Variants in PTCD1 observed in about 807,000 individuals in gnomAD.
The protein encoded by PTCD1 is pentatricopeptide repeat domain 1.
PTCD1 carries 50 observed loss-of-function variants against 53.4 expected under a neutral mutation model. That is an observed-to-expected ratio of 0.94 (90% CI 0.75 to 1.19). The LOEUF (loss-of-function observed/expected upper bound fraction) is 1.19. Among genes scored for constraint, PTCD1 ranks in the 50% most tolerant of loss-of-function variants. The pLI is 0.00. For missense variants in PTCD1, 918 were observed against 904.8 expected, an observed-to-expected ratio of 1.01 and a Z score of -0.19; for synonymous variants, 413 against 394.8, an observed-to-expected ratio of 1.05 and a Z score of -0.55.
intron 5 of PTCD1, among the ~76,000 whole-genome samples, chr7:99,426,753 T>C (rs1283619156): frequency 3.7e-5 from 5 of 134,426 alleles, no homozygotes; most frequent in African/African-American, 5.7e-5. Flanking sequence ...CCGGCCGCCA[T>C]CCCATCTAGG....
chr7:99,432,973 A>G (rs921340140), intron 3 of PTCD1: 7 of 464,030 alleles, frequency 1.5e-5, no homozygotes, highest in Non-Finnish European at 2.8e-5. Context: ...CTCTTGAGCC[A>G]AGGAGTTGGA....
In PTCD1 at chr7:99,418,014, C is replaced by G. The variant is rs374972667; in HGVS notation, c.*1953G>C. The G allele has an allele frequency of 6.2e-5, 72 of 1,158,582 alleles. 2 individuals carry two copies. The African/African-American group carries it at 8.0e-4, about 13-fold the overall frequency. 71.8% of individuals were successfully genotyped at this position (1,158,582 alleles called of 1,614,324 possible). A position where few individuals can be genotyped will look rare whatever the true frequency, so the allele number is the denominator to read the frequency against. ...ACGGAGTCTTGCTTTGTCGCCCAGG[C>G]TGGAGTGCAGTGATGCCATCTTGGC... On this transcript the variant is annotated 3_prime_UTR_variant, in exon 8 of 8. Coordinates refer to ENST00000292478, the MANE Select transcript of PTCD1 (RefSeq NM_015545.4).
chr7:99,429,748 C>T lies in PTCD1; in HGVS notation c.653G>A (p.Cys218Tyr). ...TGAGTCCTTCCAGGGGGACTCGGCA[C>T]AGACGTTGAACAGGGCCGTGTAGGT... ...DATYTALFNV[C>Y]AESPWKDSAL... The change falls in exon 4 of 8, where the codon TGT becomes TAT. Residue 218 changes from cysteine (C) to tyrosine (Y), a missense_variant. By Grantham distance (194) the Cys-to-Tyr change is radical (BLOSUM62 -2). Transcript: ENST00000292478. 6.2e-7 allele frequency: 1 copy of T among 1,614,226 alleles called. No individual in the cohort carries two copies. The highest frequency in any genetic ancestry group is 8.5e-7 in the Non-Finnish European group (1 of 1,180,040).
chr7:99,419,402 C>G lies in PTCD1; in HGVS notation c.*565G>C. 1.2e-6 allele frequency: 2 copies of G among 1,613,092 alleles called. No homozygotes were observed. Among genetic ancestry groups the G allele is most frequent in the Non-Finnish European group, 1.7e-6 (2 of 1,180,014 alleles). On this transcript the variant is annotated 3_prime_UTR_variant, in exon 8 of 8. Coordinates refer to ENST00000292478, the MANE Select transcript of PTCD1 (RefSeq NM_015545.4). ...CTCCTCCGTTGCAGGGCCGCATCAT[C>G]GAGTGCACACACTGTGGCTGTCGTG...
chr7:99,420,539 A>AG (rs1436846628), intron 7 of PTCD1, among the ~76,000 whole-genome samples: 3 of 152,226 alleles, frequency 2.0e-5, no homozygotes, highest in African/African-American at 7.2e-5. Flanking sequence ...AACACTGCCA[A>AG]GATAGGCTCC....
chr7:99,423,660 G>T, intron 7 of PTCD1, 115 bp downstream of exon 7: 1 of 1,541,370 alleles, frequency 6.5e-7, no homozygotes, highest in Non-Finnish European at 8.9e-7. Flanking sequence ...GGAAGCTGCT[G>T]GACAGTTTCA....
chr7:99,434,689 G>A, intron 2 of PTCD1, 101 bp downstream of exon 2: 1 of 1,468,328 alleles, frequency 6.8e-7, no homozygotes, highest in Non-Finnish European at 9.5e-7. Flanking sequence ...AACAGGGTAG[G>A]CCCAAAACTT....
chr7:99,438,588 C>T, intron 1 of PTCD1, 104 bp downstream of exon 1: 1 of 1,138,556 alleles, frequency 8.8e-7, no homozygotes, highest in Non-Finnish European at 1.1e-6. Context: ...CAGTTTCCCT[C>T]CTCAGACGCC....
At chr7:99,420,333 T>C (rs1439886197) in intron 7 of PTCD1, among the ~76,000 whole-genome samples, 184 bp from the exon 8 acceptor site, 1 of 152,076 alleles carries the variant, frequency 6.6e-6, no homozygotes, top group Non-Finnish European at 1.5e-5. Context: ...GAGAAACAGG[T>C]CCCCGCTGGG....
intron 5 of PTCD1, among the ~76,000 whole-genome samples, chr7:99,426,677 G>C (rs1440975736): frequency 1.4e-5 from 2 of 144,810 alleles, no homozygotes; most frequent in African/African-American, 2.6e-5. Flanking sequence ...TGGCTGCCCA[G>C]TCTGGAAAGT....
At chr7:99,422,400 T>G (rs2150947050) in intron 7 of PTCD1, among the ~76,000 whole-genome samples, 1 of 152,256 alleles carries the variant, frequency 6.6e-6, no homozygotes, top group East Asian at 1.9e-4. Flanking sequence ...TGTGATTCGA[T>G]GGACCCAAAA....
chr7:99,420,380 C>T (rs1026044713), intron 7 of PTCD1, among the ~76,000 whole-genome samples: 2 of 152,168 alleles, frequency 1.3e-5, no homozygotes, highest in Admixed American at 6.5e-5. Flanking sequence ...TGCCCAATGG[C>T]GTTCTTCCCA....
intron 3 of PTCD1, among the ~76,000 whole-genome samples, chr7:99,430,540 G>T (rs938247566): frequency 6.6e-6 from 1 of 152,234 alleles, no homozygotes; most frequent in African/African-American, 2.4e-5. Flanking sequence ...TTCAAGTGGG[G>T]TGGCCTTGGA....
intron 1 of PTCD1, among the ~76,000 whole-genome samples, chr7:99,438,081 G>A (rs45570931): frequency 0.014 from 2,141 of 152,236 alleles, 57 homozygotes; most frequent in African/African-American, 0.05. Context: ...GAGAAAAATA[G>A]GGGTGCATTT....
chr7:99,427,316 C>A lies in PTCD1; in HGVS notation c.916-1700G>T, dbSNP rs1293065652. Among the ~76,000 whole-genome samples, 10 of 146,092 alleles carry A rather than the reference C, an allele frequency of 6.8e-5. No homozygotes were observed. In the South Asian group the frequency reaches 2.2e-3, roughly 32 times the overall value. On this transcript the variant is annotated intron_variant, in intron 5 of 7. Coordinates refer to ENST00000292478, the MANE Select transcript of PTCD1 (RefSeq NM_015545.4). ...TCCAGGAGGGAGGTGGGGGGGTCAG[C>A]CCCCCGCCCGGCCAGCCGCCCCGTC... is the stretch of plus-strand genomic sequence containing the variant.
Position 99,425,441 on chromosome 7 carries a change from C to T in PTCD1, c.1091G>A (p.Arg364Lys), listed in dbSNP as rs1795977917. Reference protein sequence around the residue: ...LQPPVSRQRPRRTAQAKAGNL... With the variant: ...LQPPVSRQRPKRTAQAKAGNL... ...GCCTGCCTTGGCCTGGGCTGTCCTC[C>T]TTGGCCGCTGCCTGCTCACTGGGGG... Residue 364 changes from arginine to lysine, a missense_variant, in exon 6 of 8, where the codon AGG becomes AAG. Physicochemically the swap from Arg to Lys is conservative, Grantham distance 26. Transcript: ENST00000292478. The T allele has an allele frequency of 6.2e-7, 1 of 1,613,980 alleles. No individual in the cohort carries two copies. The highest frequency in any genetic ancestry group is 1.7e-4 in the Middle Eastern group (1 of 6,038).
Position 99,437,889 on chromosome 7 carries a change from T to C in PTCD1, c.-27+803A>G, listed in dbSNP as rs1355514180. On this transcript the variant is annotated intron_variant, in intron 1 of 7. Coordinates refer to ENST00000292478, the MANE Select transcript of PTCD1 (RefSeq NM_015545.4). ...CATCCTGTCCAGGCTGGTCTCGAAC[T>C]CCTGACCTCACGTGATCCTCTCGCC... Among the ~76,000 whole-genome samples, 7 of 152,076 alleles carry C rather than the reference T, an allele frequency of 4.6e-5. No homozygotes were observed. In the South Asian group the frequency reaches 6.3e-4, roughly 14 times the overall value.
chr7:99,435,892 G>A (rs1479788416), intron 1 of PTCD1, among the ~76,000 whole-genome samples: 3 of 150,298 alleles, frequency 2.0e-5, no homozygotes, highest in Admixed American at 6.6e-5. Context: ...CTGAGATCGC[G>A]CCACTGCACT....
intron 5 of PTCD1, among the ~76,000 whole-genome samples, chr7:99,428,620 A>G (rs1005922492): frequency 2.0e-4 from 30 of 151,954 alleles, no homozygotes; most frequent in African/African-American, 7.0e-4. Context: ...GGGCGCCTGT[A>G]ATCTCAACTA....
Sources: allele counts gnomAD v4.1 joint callset (sites outside exome capture counted in the v4.1 genomes callset), GRCh38; gene constraint gnomAD v4.1.1; transcripts MANE v1.5; gene names NCBI Gene and HGNC (gene_info 2026-07-23, HGNC 2026-07-21).